Variants in POT1 observed in about 807,000 individuals in gnomAD.
POT1 encodes the protein protection of telomeres 1, also known as protection of telomeres protein 1.
Under a neutral mutation model 78.5 loss-of-function variants are expected in POT1, and 47 were observed. That is an observed-to-expected ratio of 0.60 (90% confidence interval 0.47 to 0.76). The LOEUF (loss-of-function observed/expected upper bound fraction) is 0.76. POT1 is among the 30% of genes least tolerant of loss of function. POT1 has a pLI of 0.00. For synonymous variants in POT1, 259 were observed against 260.7 expected (o/e 0.99, Z 0.06); for missense variants, 646 against 749.9 (o/e 0.86, Z 1.62).
intron 13 of POT1, 133 bp from the exon 14 acceptor site, chr7:124,841,311 T>A: frequency 1.5e-6 from 1 of 645,504 alleles, no homozygotes; most frequent in Non-Finnish European, 2.6e-6. Context: ...TTAAATTATG[T>A]AAATTATGGA....
intron 5 of POT1, among the ~76,000 whole-genome samples, chr7:124,894,454 T>C (rs778711791): frequency 1.3e-5 from 2 of 151,610 alleles, no homozygotes; most frequent in Non-Finnish European, 3.0e-5. Flanking sequence ...GTAACCGCCA[T>C]TTGTTAATTC....
intron 3 of POT1, chr7:124,900,900 C>A (rs1796603528): frequency 3.1e-6 from 1 of 326,052 alleles, no homozygotes; most frequent in South Asian, 2.5e-5. Context: ...TTGCTCATTG[C>A]TGGCACAGCA....
chr7:124,873,221 T>C (rs1337654013), intron 6 of POT1, among the ~76,000 whole-genome samples: 1 of 152,180 alleles, frequency 6.6e-6, no homozygotes, highest in Non-Finnish European at 1.5e-5. Context: ...TTCCAAAGAA[T>C]CTTTGGTGAG....
In POT1 at chr7:124,846,947, G is replaced by A; in HGVS notation, c.1001C>T (p.Ala334Val). 1.3e-6 allele frequency: 2 copies of A among 1,595,144 alleles called. No homozygotes were observed. The highest frequency in any genetic ancestry group is 1.7e-6 in the Non-Finnish European group (2 of 1,163,090). The change falls in exon 12 of 19, where the codon GCT becomes GTT. Residue 334 changes from alanine (A) to valine (V), a missense_variant. Ala to Val is a moderately conservative substitution (Grantham distance 64, BLOSUM62 0). This residue lies in a region of POT1 where 394 missense variants were observed against 408.4 expected (regional missense o/e 0.96). Transcript: ENST00000357628. ...YEVERCQQLS[A>V]TILTDHQYLE... ...AAAATGATACATAGTCTTACTTGTA[G>A]CAGATAGCTGTTGACATCTTTCTAC...
chr7:124,885,197 G>C, intron 6 of POT1, among the ~76,000 whole-genome samples: 1 of 147,824 alleles, frequency 6.8e-6, no homozygotes. Context: ...GGTTCACACC[G>C]GTAATCCCAG....
intron 3 of POT1, among the ~76,000 whole-genome samples, chr7:124,914,872 G>A (rs944284134): frequency 3.3e-5 from 5 of 152,008 alleles, no homozygotes; most frequent in Non-Finnish European, 7.4e-5. Context: ...AGAAACAATT[G>A]CAACTCAATT....
At chr7:124,905,668 G>A (rs1224390418) in intron 3 of POT1, among the ~76,000 whole-genome samples, 2 of 152,112 alleles carry the variant, frequency 1.3e-5, no homozygotes, top group Non-Finnish European at 2.9e-5. Context: ...CTTCTGCACA[G>A]CAAAAGAAAC....
rs1168740597 is a variant in POT1, at chr7:124,842,814, G to C, written c.1156C>G (p.His386Asp). Reference sequence around the variant, plus strand: ...ATTATGGAAAATACTCACAGCAAATGACATTTAGGGCAATGAAGTTTAACA... The same window carrying C: ...ATTATGGAAAATACTCACAGCAAATCACATTTAGGGCAATGAAGTTTAACA... ...QSVKLHCPKC[H>D]LLQEVPHEGD... The change falls in exon 13 of 19, where the codon CAT (histidine) becomes GAT (aspartate). Residue 386 changes from histidine to aspartate, a missense_variant. His to Asp is a moderately conservative substitution (Grantham distance 81). Around this residue, in one of 2 missense-constraint regions of POT1, gnomAD observed 394 missense variants for 408.4 expected, o/e 0.96. Transcript: ENST00000357628. 8 of 1,596,148 alleles carry C rather than the reference G, an allele frequency of 5.0e-6. No homozygotes were observed. The highest frequency in any genetic ancestry group is 6.8e-6 in the Non-Finnish European group (8 of 1,175,480).
chr7:124,851,866 C>A lies in POT1; in HGVS notation c.949+6G>T. The A allele has an allele frequency of 1.3e-6, 2 of 1,584,108 alleles. No homozygotes were observed. Among genetic ancestry groups the A allele is most frequent in the Non-Finnish European group, 1.7e-6 (2 of 1,153,160 alleles). On this transcript the variant is annotated splice_donor_region_variant and intron_variant, in intron 11 of 18. Coordinates refer to ENST00000357628, the MANE Select transcript of POT1 (RefSeq NM_015450.3). ...CTAAACTGTCAATGTTAAAGATTATCCTTACTTGGAAAGCTGTCGTCAGGT... is the reference window on the plus strand; with the variant it reads ...CTAAACTGTCAATGTTAAAGATTATACTTACTTGGAAAGCTGTCGTCAGGT...
At chr7:124,899,329 T>A (rs1341641065) in intron 3 of POT1, among the ~76,000 whole-genome samples, 1 of 152,178 alleles carries the variant, frequency 6.6e-6, no homozygotes, top group Non-Finnish European at 1.5e-5. Flanking sequence ...AAAAATCTCT[T>A]GCCCTAACCA....
chr7:124,882,654 C>A (rs927653902), intron 6 of POT1, among the ~76,000 whole-genome samples: 1 of 151,514 alleles, frequency 6.6e-6, no homozygotes, highest in Non-Finnish European at 1.5e-5. Context: ...GAGAAAAAGT[C>A]TTTTAACTGA....
chr7:124,874,196 T>C (rs1795935113), intron 6 of POT1, among the ~76,000 whole-genome samples: 2 of 152,176 alleles, frequency 1.3e-5, no homozygotes, highest in East Asian at 3.9e-4. Flanking sequence ...ACAACTAGAA[T>C]AATTTCCTCC....
intron 8 of POT1, among the ~76,000 whole-genome samples, chr7:124,861,114 A>G (rs1042235938): frequency 1.1e-4 from 17 of 152,202 alleles, no homozygotes; most frequent in African/African-American, 3.9e-4. Flanking sequence ...TCCTTTGGGT[A>G]TATACCCAGT....
chr7:124,842,714 A>G lies in POT1; in HGVS notation c.1163+93T>C, dbSNP rs1795057186. On this transcript the variant is annotated intron_variant, in intron 13 of 18. Coordinates refer to ENST00000357628, the MANE Select transcript of POT1 (RefSeq NM_015450.3). ...GCAAAATATAATATATATATTAACAATTTACTTATTCCTAAGACACAAAAT... is the reference window on the plus strand; with the variant it reads ...GCAAAATATAATATATATATTAACAGTTTACTTATTCCTAAGACACAAAAT... 5 of 1,029,500 alleles carry G rather than the reference A, an allele frequency of 4.9e-6. No individual in the cohort carries two copies. In the East Asian group the frequency reaches 1.5e-4, roughly 31 times the overall value. The allele number at this position is 1,029,500 out of a possible 1,614,324, so 63.8% of individuals were successfully genotyped here.
chr7:124,834,246 T>C (rs910102138), intron 15 of POT1, among the ~76,000 whole-genome samples: 2 of 152,004 alleles, frequency 1.3e-5, no homozygotes, highest in African/African-American at 4.8e-5. Flanking sequence ...AAAGCCAAAA[T>C]TGACAAATGG....
intron 3 of POT1, among the ~76,000 whole-genome samples, chr7:124,910,635 T>A (rs573746173): frequency 1.3e-5 from 2 of 152,092 alleles, no homozygotes; most frequent in South Asian, 4.1e-4. Flanking sequence ...ATAGACCTTA[T>A]TTGCTATTGA....
chr7:124,825,646 G>A (rs1429628275), intron 17 of POT1, among the ~76,000 whole-genome samples: 1 of 151,820 alleles, frequency 6.6e-6, no homozygotes, highest in African/African-American at 2.4e-5. Context: ...TTCTCTTTGT[G>A]CATAGAAAAA....
Position 124,892,348 on chromosome 7 carries a change from C to A in POT1, c.42G>T (p.Leu14=), listed in dbSNP as rs1584792022. The A allele has an allele frequency of 6.6e-7, 1 of 1,518,236 alleles. No homozygotes were observed. The highest frequency in any genetic ancestry group is 8.8e-7 in the Non-Finnish European group (1 of 1,139,916). The allele number at this position is 1,518,236 out of a possible 1,614,324, so 94.0% of individuals were successfully genotyped here. ...VPATNYIYTP[L]NQLKGGTIVN... ...CAATTGTACCACCCTTAAGTTGATTCAGGGGTGTATATATATAATTTGTTG... is the reference window on the plus strand; with the variant it reads ...CAATTGTACCACCCTTAAGTTGATTAAGGGGTGTATATATATAATTTGTTG... Residue 14 remains leucine, a synonymous_variant, in exon 6 of 19, where the codon CTG becomes CTT. Transcript: ENST00000357628.
At chr7:124,879,840 G>A (rs1020295760) in intron 6 of POT1, among the ~76,000 whole-genome samples, 1 of 152,028 alleles carries the variant, frequency 6.6e-6, no homozygotes, top group Admixed American at 6.6e-5. Context: ...TACATTAACG[G>A]TTTCATCTAA....
Sources: gnomAD v4.1 joint callset for allele counts (sites outside exome capture counted in the v4.1 genomes callset) on GRCh38, gnomAD v4.1.1 for gene constraint, gnomAD v4.1.1 regional missense constraint, MANE v1.5 for transcripts, NCBI Gene and HGNC (gene_info 2026-07-23, HGNC 2026-07-21) for gene names.